Variants in SNW1 observed in about 807,000 individuals in gnomAD.
The protein encoded by SNW1 is SNW domain containing 1.
Under a neutral mutation model 75.6 loss-of-function variants are expected in SNW1, and 9 were observed. The observed-to-expected ratio is 0.12, with a 90% CI of 0.07 to 0.21. SNW1 has a LOEUF of 0.21. Ranked by LOEUF, SNW1 falls within the 10% of genes least tolerant of loss-of-function variation. SNW1 has a pLI of 1.00. For synonymous variants in SNW1, 200 were observed against 219.1 expected, an observed-to-expected ratio of 0.91 and a Z score of 0.77; for missense variants, 409 against 670.9, an observed-to-expected ratio of 0.61 and a Z score of 4.31.
chr14:77,733,742 C>CAAAAAAAAAAAAAAA, intron 8 of SNW1, among the ~76,000 whole-genome samples: 1 of 64,850 alleles, frequency 1.5e-5, no homozygotes, highest in Non-Finnish European at 2.7e-5. Flanking sequence ...GAGACCGTCT[C>CAAAAAAAAAAAAAAA]AAAAAAAAAA....
intron 3 of SNW1, among the ~76,000 whole-genome samples, chr14:77,747,155 G>A (rs535291771): frequency 1.8e-4 from 28 of 152,328 alleles, no homozygotes; most frequent in African/African-American, 6.7e-4. Context: ...CTAACCGTGA[G>A]TGATCTGCCA....
intron 1 of SNW1, among the ~76,000 whole-genome samples, chr14:77,759,827 A>AG (rs200809012): frequency 0.041 from 6,260 of 151,884 alleles, 195 homozygotes; most frequent in Middle Eastern, 0.068. Flanking sequence ...TTTTTAAAAA[A>AG]ATTTCAGATG....
At chr14:77,751,290 A>G in intron 3 of SNW1, 29 bp downstream of exon 3, 5 of 1,575,766 alleles carry the variant, frequency 3.2e-6, no homozygotes, top group Non-Finnish European at 4.3e-6. Context: ...TAAAATATTT[A>G]TCATTCAGGG....
intron 10 of SNW1, among the ~76,000 whole-genome samples, chr14:77,727,152 C>A (rs1257380339): frequency 6.6e-6 from 1 of 152,042 alleles, no homozygotes; most frequent in East Asian, 1.9e-4. Context: ...CTCCTGGGCT[C>A]AAGCAATTCT....
At chr14:77,724,772 G>A (rs899755731) in intron 10 of SNW1, among the ~76,000 whole-genome samples, 6 of 152,134 alleles carry the variant, frequency 3.9e-5, no homozygotes, top group Admixed American at 1.3e-4. Flanking sequence ...ACTTGATTCC[G>A]TATCTTGGTA....
Position 77,720,707 on chromosome 14 carries a change from G to C in SNW1, c.1248+4C>G. On this transcript the variant is annotated splice_donor_region_variant and intron_variant, in intron 12 of 13. Coordinates refer to ENST00000261531, the MANE Select transcript of SNW1 (RefSeq NM_012245.3). ...CACACAATATGCTGTTCCTAAACTT[G>C]TACCTTGGATTGGTTGAAGAGCCTT... 6.3e-7 allele frequency: 1 copy of C among 1,580,334 alleles called. No homozygotes were observed. The highest frequency in any genetic ancestry group is 1.1e-5 in the South Asian group (1 of 90,288).
chr14:77,751,049 T>G (rs1199756704), intron 3 of SNW1, among the ~76,000 whole-genome samples: 1 of 152,128 alleles, frequency 6.6e-6, no homozygotes, highest in African/African-American at 2.4e-5. Flanking sequence ...TAATATAAAG[T>G]AACTGTTTTA....
intron 12 of SNW1, among the ~76,000 whole-genome samples, chr14:77,719,013 A>G (rs1333064554): frequency 6.6e-6 from 1 of 152,148 alleles, no homozygotes; most frequent in Non-Finnish European, 1.5e-5. Flanking sequence ...CCCTGTGCTC[A>G]GGTGTTCCTC....
chr14:77,737,090 T>A lies in SNW1; in HGVS notation c.534-15A>T. On this transcript the variant is annotated splice_polypyrimidine_tract_variant and intron_variant, in intron 5 of 13. Transcript: ENST00000261531. ...ATGGTGTGTATCTGAAGAAAGCAGA[T>A]AAAAACTAAAGGTGTAATTAGTTCA... The A allele has an allele frequency of 2.5e-6, 4 of 1,580,746 alleles. No individual in the cohort carries two copies. The highest frequency in any genetic ancestry group is 3.5e-6 in the Non-Finnish European group (4 of 1,150,352).
Position 77,755,030 on chromosome 14 carries a change from G to T in SNW1, c.105C>A (p.Val35=). The T allele has an allele frequency of 6.2e-7, 1 of 1,611,806 alleles. No individual in the cohort carries two copies. The highest frequency in any genetic ancestry group is 2.2e-5 in the East Asian group (1 of 44,880). ...ACGGGGGAGGTTCTCTTCGGGAGGA[G>T]ACCAGTGAGGTCTGCCGTGATCTCT... is the stretch of plus-strand genomic sequence containing the variant. ...RSQRSRQTSL[V]SSRREPPPYG... The change falls in exon 2 of 14, where the codon GTC becomes GTA. Residue 35 remains valine (V), a synonymous_variant. Transcript: ENST00000261531.
chr14:77,744,446 C>CAAAAAAAAAAAAAAAAAAAAAA (rs11335115), intron 3 of SNW1, among the ~76,000 whole-genome samples: 1 of 82,964 alleles, frequency 1.2e-5, no homozygotes, highest in African/African-American at 5.1e-5. Context: ...GTCTCCATCT[C>CAAAAAAAAAAAAAAAAAAAAAA]AAAAAAAAAA....
chr14:77,732,655 C>G (rs931960787), intron 8 of SNW1, 54 bp from the exon 9 acceptor site: 15 of 971,242 alleles, frequency 1.5e-5, no homozygotes, highest in African/African-American at 3.3e-5. Flanking sequence ...AATTAATCGT[C>G]TGAAGTTAAA....
intron 6 of SNW1, 63 bp from the exon 7 acceptor site, chr14:77,736,069 G>T: frequency 8.4e-7 from 1 of 1,183,910 alleles, no homozygotes; most frequent in Non-Finnish European, 1.2e-6. Flanking sequence ...ATCATATCAA[G>T]TCTCTCCTCC....
intron 10 of SNW1, among the ~76,000 whole-genome samples, chr14:77,724,889 T>C (rs2080572469): frequency 6.6e-6 from 1 of 152,362 alleles, no homozygotes; most frequent in Non-Finnish European, 1.5e-5. Context: ...CTGGATCACG[T>C]AGTGGCTCTA....
chr14:77,736,905 C>T lies in SNW1; in HGVS notation c.638+66G>A, dbSNP rs993890835. The stretch of plus-strand genomic sequence containing the variant: ...TTGTTTTTGCCTGGCTTCTTTCACT[C>T]AGCATATTGTTTTGAGATTCATCCA... On this transcript the variant is annotated intron_variant, in intron 6 of 13. Coordinates refer to ENST00000261531, the MANE Select transcript of SNW1 (RefSeq NM_012245.3). The T allele has an allele frequency of 1.4e-5, 17 of 1,187,956 alleles. No homozygotes were observed. The African/African-American group carries it at 2.6e-4, about 18-fold the overall frequency. 73.6% of individuals were successfully genotyped at this position (1,187,956 alleles called of 1,614,324 possible). A position where few individuals can be genotyped will look rare whatever the true frequency, so the allele number is the denominator to read the frequency against.
chr14:77,726,148 T>C (rs542912581), intron 10 of SNW1, among the ~76,000 whole-genome samples: 2 of 152,304 alleles, frequency 1.3e-5, no homozygotes, highest in South Asian at 2.1e-4. Context: ...AATTTTAGTA[T>C]TGTTTTTTCT....
intron 3 of SNW1, among the ~76,000 whole-genome samples, chr14:77,744,446 C>CAAA (rs11335115): frequency 5.3e-4 from 44 of 82,868 alleles, no homozygotes; most frequent in Non-Finnish European, 6.7e-4. Context: ...GTCTCCATCT[C>CAAA]AAAAAAAAAA....
chr14:77,720,843 G>T lies in SNW1; in HGVS notation c.1131-15C>A, dbSNP rs753501518. On this transcript the variant is annotated splice_polypyrimidine_tract_variant and intron_variant, in intron 11 of 13. Transcript: ENST00000261531. ...GAAGTTTCGACCTATTTTGAAATACGACATCACTAACTGAAAACTCTTTAT... is the reference window on the plus strand; with the variant it reads ...GAAGTTTCGACCTATTTTGAAATACTACATCACTAACTGAAAACTCTTTAT... 4.6e-6 allele frequency: 7 copies of T among 1,518,486 alleles called. No homozygotes were observed. Among genetic ancestry groups the T allele is most frequent in the Non-Finnish European group, 6.4e-6 (7 of 1,095,158 alleles). The allele number at this position is 1,518,486 out of a possible 1,614,324, so 94.1% of individuals were successfully genotyped here.
chr14:77,743,097 T>C (rs1007460775), intron 3 of SNW1, among the ~76,000 whole-genome samples: 1 of 151,824 alleles, frequency 6.6e-6, no homozygotes, highest in Non-Finnish European at 1.5e-5. Context: ...TGGTGGCACA[T>C]GCCTGTAATC....
Sources: allele counts gnomAD v4.1 joint callset (sites outside exome capture counted in the v4.1 genomes callset), GRCh38; gene constraint gnomAD v4.1.1; transcripts MANE v1.5; gene names NCBI Gene and HGNC (gene_info 2026-07-23, HGNC 2026-07-21).